ACTR2: variants seen among roughly 807,000 people sequenced by gnomAD.
ACTR2 encodes the protein actin related protein 2.
In ACTR2, 5 loss-of-function variants were observed where a neutral mutation model predicts 50.2. The observed-to-expected ratio is 0.10, with a 90% CI of 0.05 to 0.21. The LOEUF (loss-of-function observed/expected upper bound fraction) is 0.21. Among genes scored for constraint, ACTR2 ranks in the 10% least tolerant of loss-of-function variants. The pLI, the probability that ACTR2 is intolerant of heterozygous loss-of-function variation, is 1.00. For synonymous variants in ACTR2, 140 were observed against 162.9 expected, an observed-to-expected ratio of 0.86 and a Z score of 1.07; for missense variants, 180 against 480.6, an observed-to-expected ratio of 0.37 and a Z score of 5.85.
At chr2:65,240,256 A>G (rs992628516) in intron 2 of ACTR2, among the ~76,000 whole-genome samples, 4 of 152,236 alleles carry the variant, frequency 2.6e-5, no homozygotes, top group African/African-American at 2.4e-5. Flanking sequence ...GTCCTATTAC[A>G]TAATATAATT....
chr2:65,250,100 C>G (rs1672015542), intron 3 of ACTR2, among the ~76,000 whole-genome samples: 2 of 152,044 alleles, frequency 1.3e-5, no homozygotes, highest in African/African-American at 2.4e-5. Context: ...TGCGGTGGCT[C>G]ACGCCTGTAA....
chr2:65,249,216 G>A (rs901821634), intron 3 of ACTR2, among the ~76,000 whole-genome samples: 5 of 152,026 alleles, frequency 3.3e-5, no homozygotes, highest in Non-Finnish European at 7.4e-5. Context: ...TTTTGTTTAC[G>A]AATATGTTTA....
At position 65,247,136 on chromosome 2, in the gene ACTR2, G is replaced by A. The variant is rs370974067; in HGVS notation, c.375+397G>A. On this transcript the variant is annotated intron_variant, in intron 3 of 8. Coordinates refer to ENST00000260641, the MANE Select transcript of ACTR2 (RefSeq NM_005722.4). ...CCAGTTGACCCATGAGCAATGCAGG[G>A]GTTAGGGGCACCAACCCTCCCTACT... Among the ~76,000 whole-genome samples the A allele has an allele frequency of 3.9e-5, 6 of 152,122 alleles. No individual in the cohort carries two copies. The East Asian group carries it at 5.8e-4, about 15-fold the overall frequency.
At chr2:65,254,490 C>G (rs558623474) in intron 5 of ACTR2, among the ~76,000 whole-genome samples, 1 of 152,188 alleles carries the variant, frequency 6.6e-6, no homozygotes, top group South Asian at 2.1e-4. Flanking sequence ...TACTTGCTAA[C>G]ATATATCATT....
chr2:65,260,802 T>C (rs556156874), intron 6 of ACTR2, among the ~76,000 whole-genome samples: 3 of 149,318 alleles, frequency 2.0e-5, no homozygotes, highest in Admixed American at 6.7e-5. Flanking sequence ...TGATCTTGGC[T>C]CACTGCAAGC....
At chr2:65,244,706 G>T (rs1671902290) in intron 2 of ACTR2, among the ~76,000 whole-genome samples, 1 of 152,092 alleles carries the variant, frequency 6.6e-6, no homozygotes, top group African/African-American at 2.4e-5. Flanking sequence ...CTAGCACTTT[G>T]GGAGGCTGAG....
chr2:65,238,595 C>T lies in ACTR2; in HGVS notation c.49-1257C>T, dbSNP rs138663856. On this transcript the variant is annotated intron_variant, in intron 1 of 8. Coordinates refer to ENST00000260641, the MANE Select transcript of ACTR2 (RefSeq NM_005722.4). Reference sequence around the variant, plus strand: ...AATGGCGTGAACCCGGGAGGTGGAGCTTGCGGTGAGCCGGGATGGCGCCAC... The same window carrying T: ...AATGGCGTGAACCCGGGAGGTGGAGTTTGCGGTGAGCCGGGATGGCGCCAC... 4.8e-3 allele frequency among the ~76,000 whole-genome samples: 680 copies of T among 141,294 alleles called. 5 individuals carry two copies. The highest frequency in any genetic ancestry group is 0.017 in the African/African-American group (653 of 37,418). The allele number at this position is 141,294 out of a possible 152,430, so 92.7% of individuals were successfully genotyped here.
intron 1 of ACTR2, chr2:65,228,426 T>TA (rs533057087): frequency 0.019 from 2,629 of 135,358 alleles, 40 homozygotes; most frequent in African/African-American, 0.051. Flanking sequence ...CGGGTTTACT[T>TA]AAAAAAAAAA....
intron 2 of ACTR2, chr2:65,241,920 C>A (rs1671846723): frequency 1.7e-6 from 2 of 1,147,738 alleles, no homozygotes; most frequent in Non-Finnish European, 2.5e-6. Context: ...AGTAGTACTG[C>A]ATCTGACCTC....
chr2:65,251,824 G>C, intron 4 of ACTR2, among the ~76,000 whole-genome samples: 1 of 152,156 alleles, frequency 6.6e-6, no homozygotes, highest in East Asian at 1.9e-4. Flanking sequence ...TAACTTTTGA[G>C]GTGGGTTTAA....
Position 65,229,854 on chromosome 2 carries a change from A to G in ACTR2, c.48+1897A>G, listed in dbSNP as rs1033399849. 2.0e-5 allele frequency among the ~76,000 whole-genome samples: 3 copies of G among 152,302 alleles called. No individual in the cohort carries two copies. In the East Asian group the frequency reaches 5.8e-4, roughly 29 times the overall value. On this transcript the variant is annotated intron_variant, in intron 1 of 8. Coordinates refer to ENST00000260641, the MANE Select transcript of ACTR2 (RefSeq NM_005722.4). ...AGATCCACTGCTATGGAAACGTCTA[A>G]GATTTTAAGTTGAAAAAGGTTTTAG... is the stretch of plus-strand genomic sequence containing the variant.
At chr2:65,266,238 A>G (rs1173841691) in intron 8 of ACTR2, among the ~76,000 whole-genome samples, 1 of 152,172 alleles carries the variant, frequency 6.6e-6, no homozygotes, top group African/African-American at 2.4e-5. Context: ...GAGCTGGAAA[A>G]TGTTAGTGGT....
Position 65,236,025 on chromosome 2 carries a change from A to G in ACTR2, c.49-3827A>G, listed in dbSNP as rs897001156. On this transcript the variant is annotated intron_variant, in intron 1 of 8. Transcript: ENST00000260641. ...TCATAAAAGCTTTAATCTGATTGTC[A>G]TGACTGTAACATATTTGAAAAAACT... Among the ~76,000 whole-genome samples the G allele has an allele frequency of 4.6e-5, 7 of 152,288 alleles. No individual in the cohort carries two copies. The East Asian group carries it at 1.2e-3, about 25-fold the overall frequency.
At chr2:65,230,320 G>C (rs1444561257) in intron 1 of ACTR2, among the ~76,000 whole-genome samples, 1 of 151,794 alleles carries the variant, frequency 6.6e-6, no homozygotes, top group Non-Finnish European at 1.5e-5. Flanking sequence ...ATTCTTTTAG[G>C]GGTTCAAGGT....
chr2:65,259,436 T>C lies in ACTR2; in HGVS notation c.736-1811T>C, dbSNP rs557477708. 9.9e-5 allele frequency among the ~76,000 whole-genome samples: 15 copies of C among 151,872 alleles called. No homozygotes were observed. The East Asian group carries it at 2.7e-3, about 27-fold the overall frequency. On this transcript the variant is annotated intron_variant, in intron 6 of 8. Transcript: ENST00000260641. ...GACCCTATCTCAAAAAAAATATATA[T>C]GTATTGTAGGGCCAGGCATGGTGGC...
Position 65,268,874 on chromosome 2 carries a change from C to G in ACTR2, c.*140C>G. 1.1e-6 allele frequency: 1 copy of G among 912,648 alleles called. No homozygotes were observed. The highest frequency in any genetic ancestry group is 1.6e-6 in the Non-Finnish European group (1 of 608,114). The allele number at this position is 912,648 out of a possible 1,614,324, so 56.5% of individuals were successfully genotyped here. A position where few individuals can be genotyped will look rare whatever the true frequency, so the allele number is the denominator to read the frequency against. ...GAAAGGTCAAGTTTTATTCTGGTGT[C>G]TTGGGGAAGCTTTGTTAAATTTTTG... is the stretch of plus-strand genomic sequence containing the variant. On this transcript the variant is annotated 3_prime_UTR_variant, in exon 9 of 9. Coordinates refer to ENST00000260641, the MANE Select transcript of ACTR2 (RefSeq NM_005722.4).
At chr2:65,249,109 TTAAA>T (rs1055453797) in intron 3 of ACTR2, among the ~76,000 whole-genome samples, 2 of 152,210 alleles carry the variant, frequency 1.3e-5, no homozygotes, top group African/African-American at 4.8e-5. Flanking sequence ...TCCTCATAGT[TTAAA>T]TAAGTAATTT....
intron 6 of ACTR2, among the ~76,000 whole-genome samples, 169 bp from the exon 7 acceptor site, chr2:65,261,078 C>T (rs540296806): frequency 2.7e-5 from 4 of 149,302 alleles, no homozygotes; most frequent in African/African-American, 9.8e-5. Flanking sequence ...GAGCAGTTAC[C>T]TAAATCTATT....
chr2:65,227,831 G>T lies in ACTR2; in HGVS notation c.-79G>T, dbSNP rs1671554884. 6.9e-7 allele frequency: 1 copy of T among 1,455,910 alleles called. No homozygotes were observed. 90.2% of individuals were successfully genotyped at this position (1,455,910 alleles called of 1,614,324 possible). ...GGGCCGAAGGAGGGGCCGGGAAGAC[G>T]CAAGAGGAAGAAGAGAAAACGGCCG... On this transcript the variant is annotated 5_prime_UTR_variant, in exon 1 of 9. Coordinates refer to ENST00000260641, the MANE Select transcript of ACTR2 (RefSeq NM_005722.4).
Sources: gnomAD v4.1 joint callset for allele counts (sites outside exome capture counted in the v4.1 genomes callset) on GRCh38, gnomAD v4.1.1 for gene constraint, MANE v1.5 for transcripts, NCBI Gene and HGNC (gene_info 2026-07-23, HGNC 2026-07-21) for gene names.